The following LYPD8 variants were observed in gnomAD, a reference collection of about 807,000 sequenced individuals.
The protein encoded by LYPD8 is LY6/PLAUR domain containing 8.
In LYPD8, 8 loss-of-function variants were observed where a neutral mutation model predicts 1.7. That is an observed-to-expected ratio of 4.58 (90% CI 2.69 to 8.27). LYPD8 has a LOEUF of 8.27. LYPD8 is among the 30% of genes most tolerant of loss of function. LYPD8 has a pLI of 0.00. For missense variants in LYPD8, 112 were observed against 102.3 expected (o/e 1.09, Z -0.41); for synonymous variants, 50 against 43.6 (o/e 1.15, Z -0.58).
chr1:248,750,402 G>T, intron 4 of LYPD8, 122 bp downstream of exon 4: 1 of 395,506 alleles, frequency 2.5e-6, no homozygotes, highest in Admixed American at 4.4e-5. Context: ...CACCTTTGTG[G>T]CTTCCTCTCT....
At chr1:248,749,859 A>G (rs1375367689) in intron 4 of LYPD8, among the ~76,000 whole-genome samples, 1 of 152,096 alleles carries the variant, frequency 6.6e-6, no homozygotes, top group Non-Finnish European at 1.5e-5. Flanking sequence ...ATACACATAT[A>G]TGTGTGTACA....
At chr1:248,746,423 A>G (rs2103169868) in intron 5 of LYPD8, among the ~76,000 whole-genome samples, 1 of 152,342 alleles carries the variant, frequency 6.6e-6, no homozygotes, top group South Asian at 2.1e-4. Flanking sequence ...TAATTGCTGT[A>G]AGTCCGATGT....
intron 6 of LYPD8, among the ~76,000 whole-genome samples, chr1:248,742,643 A>G (rs868979181): frequency 1.1e-4 from 5 of 44,718 alleles, no homozygotes; most frequent in East Asian, 7.4e-4. Flanking sequence ...AGCGGGGGAG[A>G]TTATGCTCTG....
intron 6 of LYPD8, among the ~76,000 whole-genome samples, chr1:248,743,342 A>G (rs1553283733): frequency 6.6e-6 from 1 of 152,032 alleles, no homozygotes; most frequent in African/African-American, 2.4e-5. Context: ...GCACATGTGT[A>G]TAATCCCAGC....
At chr1:248,745,752 C>T (rs1226013726) in intron 5 of LYPD8, among the ~76,000 whole-genome samples, 7 of 152,142 alleles carry the variant, frequency 4.6e-5, no homozygotes, top group South Asian at 4.1e-4. Context: ...TAAACTTTGC[C>T]TTTTCAGCCA....
chr1:248,753,307 ACCCC>A (rs1662860065), intron 2 of LYPD8, among the ~76,000 whole-genome samples: 24 of 104,706 alleles, frequency 2.3e-4, no homozygotes, highest in African/African-American at 9.1e-4. Flanking sequence ...CACACCACAC[ACCCC>A]ACACAACACA....
At chr1:248,753,004 C>CAT (rs1662843418) in intron 2 of LYPD8, among the ~76,000 whole-genome samples, 1 of 11,148 alleles carries the variant, frequency 9.0e-5, no homozygotes, top group Admixed American at 1.4e-3. Context: ...CACAAACACA[C>CAT]CACATCATAC....
chr1:248,742,295 T>C (rs1258496587), intron 6 of LYPD8, among the ~76,000 whole-genome samples: 85 of 73,664 alleles, frequency 1.2e-3, no homozygotes, highest in South Asian at 2.5e-3. Context: ...GGGGAGATTA[T>C]GCTCTGGTGG....
At chr1:248,750,178 A>G (rs1467989551) in intron 4 of LYPD8, among the ~76,000 whole-genome samples, 2 of 152,242 alleles carry the variant, frequency 1.3e-5, no homozygotes, top group African/African-American at 4.8e-5. Context: ...AGGAGGAACC[A>G]TGAGAGAGAG....
At chr1:248,753,537 CCACAT>C (rs1662869295) in intron 2 of LYPD8, among the ~76,000 whole-genome samples, 1 of 120,016 alleles carries the variant, frequency 8.3e-6, no homozygotes, top group African/African-American at 3.3e-5. Context: ...ACACAACACA[CCACAT>C]CACACAAAAC....
At position 248,750,594 on chromosome 1, in the gene LYPD8, G is replaced by A; in HGVS notation, c.102C>T (p.Asn34=). 1 of 398,650 alleles carries A rather than the reference G, an allele frequency of 2.5e-6. No homozygotes were observed. The highest frequency in any genetic ancestry group is 3.6e-5 in the East Asian group (1 of 28,084). 24.7% of individuals were successfully genotyped at this position (398,650 alleles called of 1,614,324 possible). A position where few individuals can be genotyped will look rare whatever the true frequency, so the allele number is the denominator to read the frequency against. The change falls in exon 4 of 7, where the codon AAC becomes AAT. Residue 34 remains asparagine, a synonymous_variant. Coordinates refer to ENST00000590317, the MANE Select transcript of LYPD8 (RefSeq NM_001085474.2). Reference sequence around the variant, plus strand: ...GTGAGGGACATTCAGAGGCAATGCTGTTGACACAGGATTTTTCCCATGAAT... The same window carrying A: ...GTGAGGGACATTCAGAGGCAATGCTATTGACACAGGATTTTTCCCATGAAT... ...QCNSWEKSCV[N]SIASECPSHA... is the part of the protein sequence containing the mutation.
rs968018389 is a variant in LYPD8 at position 248,745,792 on chromosome 1, G to A, written c.338-513C>T. Among the ~76,000 whole-genome samples the A allele has an allele frequency of 3.3e-3, 505 of 152,308 alleles. 1 individual carries two copies. The highest frequency in any genetic ancestry group is 0.012 in the African/African-American group (487 of 41,548). ...TTCTGTTTTTCAAAAAGAGAGCTTT[G>A]GTCTAGATCAGCAGGTCTCAAATTG... On this transcript the variant is annotated intron_variant, in intron 5 of 6. Transcript: ENST00000590317.
chr1:248,739,944 G>A lies in LYPD8; in HGVS notation c.476-95C>T, dbSNP rs1269405415. On this transcript the variant is annotated intron_variant, in intron 6 of 6. Coordinates refer to ENST00000590317, the MANE Select transcript of LYPD8 (RefSeq NM_001085474.2). This position sits in a 1 kb window ranked among gnomAD's most constrained non-coding sequence, Gnocchi z 4.3. The stretch of plus-strand genomic sequence containing the variant: ...TTCTTCACCTGCAGCACGGTGGCCC[G>A]GTGACCAGCAAGAGCTGGTGTGCTC... 19 of 1,488,826 alleles carry A rather than the reference G, an allele frequency of 1.3e-5. No individual in the cohort carries two copies. The East Asian group carries it at 1.7e-4, about 14-fold the overall frequency. The allele number at this position is 1,488,826 out of a possible 1,614,324, so 92.2% of individuals were successfully genotyped here.
intron 5 of LYPD8, among the ~76,000 whole-genome samples, chr1:248,746,524 G>C (rs1662728584): frequency 2.0e-5 from 3 of 152,204 alleles, no homozygotes; most frequent in Admixed American, 6.5e-5. Context: ...AACCAGGGCT[G>C]AGAGGACACA....
intron 4 of LYPD8, 56 bp from the exon 5 acceptor site, chr1:248,748,509 G>C: frequency 2.5e-6 from 1 of 399,676 alleles, no homozygotes; most frequent in Non-Finnish European, 4.4e-6. Flanking sequence ...GTGTGGGGAG[G>C]GTGGAGACCC....
intron 2 of LYPD8, among the ~76,000 whole-genome samples, chr1:248,753,498 CACA>C (rs1285687722): frequency 6.4e-5 from 8 of 125,772 alleles, no homozygotes; most frequent in African/African-American, 2.3e-4. Context: ...TCACACAACA[CACA>C]ACACAACACA....
rs1001517548 is a variant in LYPD8, at chr1:248,750,749, G to A, written c.53-106C>T. 53 of 397,906 alleles carry A rather than the reference G, an allele frequency of 1.3e-4. No homozygotes were observed. The Middle Eastern group carries it at 3.1e-3, about 24-fold the overall frequency. 24.6% of individuals were successfully genotyped at this position (397,906 alleles called of 1,614,324 possible). A position where few individuals can be genotyped will look rare whatever the true frequency, so the allele number is the denominator to read the frequency against. On this transcript the variant is annotated intron_variant, in intron 3 of 6. Coordinates refer to ENST00000590317, the MANE Select transcript of LYPD8 (RefSeq NM_001085474.2). ...TCCCACCTTGCAGTAAAAGACAGAC[G>A]GGATGGCATCCCTGCCCTCTGGGGA... is the stretch of plus-strand genomic sequence containing the variant.
chr1:248,750,340 G>C (rs1420226397), intron 4 of LYPD8, among the ~76,000 whole-genome samples, 184 bp downstream of exon 4: 1 of 152,180 alleles, frequency 6.6e-6, no homozygotes, highest in African/African-American at 2.4e-5. Context: ...TTGACCCTGT[G>C]ATCTTGTCTG....
chr1:248,741,355 T>C (rs564873936), intron 6 of LYPD8, among the ~76,000 whole-genome samples: 1 of 152,288 alleles, frequency 6.6e-6, no homozygotes, highest in Admixed American at 6.5e-5. Flanking sequence ...TACAGGCGCG[T>C]GCCACCACAT....
Sources: allele counts gnomAD v4.1 joint callset (sites outside exome capture counted in the v4.1 genomes callset), GRCh38; gene constraint gnomAD v4.1.1; non-coding constraint Gnocchi (gnomAD v3.1); transcripts MANE v1.5; gene names NCBI Gene and HGNC (gene_info 2026-07-23, HGNC 2026-07-21).